The following PHLDB2 variants were observed in gnomAD, a reference collection of about 807,000 sequenced individuals.
PHLDB2 encodes pleckstrin homology like domain family B member 2.
PHLDB2 carries 71 observed loss-of-function variants against 123.6 expected under a neutral mutation model. That is an observed-to-expected ratio of 0.57 (90% CI 0.47 to 0.70). The LOEUF (loss-of-function observed/expected upper bound fraction) is 0.70. PHLDB2 is among the 30% of genes least tolerant of loss of function. PHLDB2 has a pLI of 0.00. For synonymous variants in PHLDB2, 547 were observed against 541.6 expected, an observed-to-expected ratio of 1.01 and a Z score of -0.14; for missense variants, 1,446 against 1,519.5, an observed-to-expected ratio of 0.95 and a Z score of 0.80.
intron 1 of PHLDB2, among the ~76,000 whole-genome samples, chr3:111,831,778 T>G (rs1025365035): frequency 1.3e-5 from 2 of 152,114 alleles, no homozygotes; most frequent in Admixed American, 1.3e-4. Flanking sequence ...ACATACCAAC[T>G]TAAAAATGTA....
chr3:111,842,925 T>C (rs2063757240), intron 1 of PHLDB2, among the ~76,000 whole-genome samples: 1 of 152,270 alleles, frequency 6.6e-6, no homozygotes, highest in South Asian at 2.1e-4. Flanking sequence ...TGTTGAAGCA[T>C]TGTCAGTACT....
At chr3:111,812,416 T>A (rs1169714403) in intron 1 of PHLDB2, among the ~76,000 whole-genome samples, 3 of 152,222 alleles carry the variant, frequency 2.0e-5, no homozygotes, top group Non-Finnish European at 4.4e-5. Flanking sequence ...ACATATGATG[T>A]CTGAATTAGC....
intron 1 of PHLDB2, among the ~76,000 whole-genome samples, chr3:111,774,285 A>T (rs960187799): frequency 6.6e-6 from 1 of 152,198 alleles, no homozygotes; most frequent in African/African-American, 2.4e-5. Context: ...ATTTCACAGC[A>T]GATGTTTTTC....
intron 5 of PHLDB2, among the ~76,000 whole-genome samples, chr3:111,928,733 G>A (rs1005549594): frequency 4.6e-5 from 7 of 152,092 alleles, no homozygotes; most frequent in South Asian, 4.1e-4. Flanking sequence ...CTCTAGAAAC[G>A]TCAGTTTTAA....
intron 1 of PHLDB2, among the ~76,000 whole-genome samples, chr3:111,762,869 A>G (rs898866043): frequency 1.3e-5 from 2 of 152,226 alleles, no homozygotes; most frequent in African/African-American, 2.4e-5. Context: ...TTGCAGACTC[A>G]AAGCCCTCTG....
At chr3:111,797,391 G>T (rs1420986782) in intron 1 of PHLDB2, among the ~76,000 whole-genome samples, 1 of 152,168 alleles carries the variant, frequency 6.6e-6, no homozygotes, top group Non-Finnish European at 1.5e-5. Context: ...GTTATTGTGG[G>T]TTATAGACCA....
chr3:111,776,718 A>G (rs2060273192), intron 1 of PHLDB2, among the ~76,000 whole-genome samples: 1 of 152,080 alleles, frequency 6.6e-6, no homozygotes. Flanking sequence ...TTTCATATAA[A>G]CTTCACCTTC....
intron 1 of PHLDB2, among the ~76,000 whole-genome samples, chr3:111,838,434 A>T (rs1056084315): frequency 1.3e-5 from 2 of 152,214 alleles, no homozygotes; most frequent in African/African-American, 4.8e-5. Flanking sequence ...CAAGAATGAT[A>T]GCAAATCCAA....
chr3:111,751,848 A>AT (rs2059782535), intron 1 of PHLDB2, among the ~76,000 whole-genome samples: 1 of 152,036 alleles, frequency 6.6e-6, no homozygotes, highest in Non-Finnish European at 1.5e-5. Flanking sequence ...TAATAATAAA[A>AT]ATTTTTTAAA....
intron 1 of PHLDB2, among the ~76,000 whole-genome samples, chr3:111,782,188 T>C (rs945154662): frequency 3.9e-5 from 6 of 152,118 alleles, no homozygotes; most frequent in African/African-American, 1.4e-4. Context: ...AATCTAGAGA[T>C]GGGTAATGAC....
chr3:111,960,224 GA>G (rs1285672009), intron 12 of PHLDB2: 1 of 675,868 alleles, frequency 1.5e-6, no homozygotes, highest in Non-Finnish European at 1.8e-6. Context: ...CTTAAAAAAA[GA>G]CGCAGCTTCA....
At position 111,966,844 on chromosome 3, in the gene PHLDB2, T is replaced by C. The variant is rs1346244986; in HGVS notation, c.3168+141T>C. On this transcript the variant is annotated intron_variant, in intron 14 of 17. Coordinates refer to ENST00000431670, the MANE Select transcript of PHLDB2 (RefSeq NM_001134438.2). ...AACCTTTCTCAGTCTCATTTTCTTA[T>C]CTGAAAAATAAAGGTGTTAGATGAT... 4 of 624,866 alleles carry C rather than the reference T, an allele frequency of 6.4e-6. No individual in the cohort carries two copies. The Admixed American group carries it at 1.3e-4, about 20-fold the overall frequency. The allele number at this position is 624,866 out of a possible 1,614,324, so 38.7% of individuals were successfully genotyped here.
chr3:111,765,905 T>C (rs67184746), intron 1 of PHLDB2, among the ~76,000 whole-genome samples: 66 of 39,498 alleles, frequency 1.7e-3, no homozygotes, highest in East Asian at 7.8e-3. Context: ...CACACACACA[T>C]ACACATACAC....
intron 1 of PHLDB2, among the ~76,000 whole-genome samples, chr3:111,751,572 C>A (rs2059775182): frequency 6.6e-6 from 1 of 150,868 alleles, no homozygotes; most frequent in Non-Finnish European, 1.5e-5. Flanking sequence ...TTTTATAAAA[C>A]CTCTCCTTGG....
upstream of PHLDB2, chr3:111,859,056 T>A: frequency 2.4e-6 from 1 of 415,064 alleles, no homozygotes; most frequent in South Asian, 9.6e-5. Context: ...ACCCCAGTCC[T>A]TAGCTCAGGC....
chr3:111,751,171 GT>G (rs2059766623), intron 1 of PHLDB2, among the ~76,000 whole-genome samples: 11 of 78,550 alleles, frequency 1.4e-4, no homozygotes, highest in African/African-American at 2.4e-4. Context: ...ACAATGGGGT[GT>G]GTGTGTGTGT....
chr3:111,885,862 T>G, intron 2 of PHLDB2: 1 of 494,030 alleles, frequency 2.0e-6, no homozygotes, highest in Non-Finnish European at 3.6e-6. Flanking sequence ...TATAGCAAGT[T>G]GTCTAGAAAG....
rs570113650 is a variant in PHLDB2 at position 111,843,086 on chromosome 3, A to G, written c.-48-2735A>G. Among the ~76,000 whole-genome samples, 5 of 152,326 alleles carry G rather than the reference A, an allele frequency of 3.3e-5. No individual in the cohort carries two copies. In the East Asian group the frequency reaches 5.8e-4, roughly 18 times the overall value. ...TTTACATATGAGTTTTTGTGAGAAC[A>G]TATGTTTTCATTTCTTTGGGGTATA... On this transcript the variant is annotated intron_variant, in intron 1 of 17. Coordinates refer to the PHLDB2 transcript ENST00000393923.
intron 1 of PHLDB2, among the ~76,000 whole-genome samples, chr3:111,755,877 A>T (rs1021613882): frequency 1.9e-4 from 29 of 151,584 alleles, no homozygotes; most frequent in African/African-American, 7.1e-4. Context: ...GTTTCAAAGA[A>T]CATTTTTATT....
Sources: gnomAD v4.1 joint callset for allele counts (sites outside exome capture counted in the v4.1 genomes callset) on GRCh38, gnomAD v4.1.1 for gene constraint, MANE v1.5 for transcripts, NCBI Gene and HGNC (gene_info 2026-07-23, HGNC 2026-07-21) for gene names.